The following ZFAT variants were observed in gnomAD, a reference collection of about 807,000 sequenced individuals.
ZFAT encodes the protein zinc finger protein ZFAT.
A neutral mutation model predicts 117.7 loss-of-function variants in ZFAT; 64 were observed. The observed-to-expected ratio is 0.54, with a 90% confidence interval of 0.44 to 0.67. The LOEUF is 0.67. Among genes scored for constraint, ZFAT ranks in the 30% least tolerant of loss-of-function variants. The pLI, the probability that ZFAT is intolerant of heterozygous loss-of-function variation, is 0.00. For missense variants in ZFAT, 1,433 were observed against 1,584.5 expected (o/e 0.90, Z 1.62); for synonymous variants, 679 against 615.0 (o/e 1.10, Z -1.54).
the ZFAT span, among the ~76,000 whole-genome samples, chr8:134,771,299 G>T: frequency 1.3e-5 from 2 of 152,098 alleles, no homozygotes; most frequent in Non-Finnish European, 2.9e-5. Context: ...AAACAGAAAA[G>T]AACCTATGTG....
intron 3 of ZFAT, among the ~76,000 whole-genome samples, chr8:134,625,700 T>C (rs1183785864): frequency 6.6e-6 from 1 of 152,256 alleles, no homozygotes; most frequent in African/African-American, 2.4e-5. Flanking sequence ...TTCTGCCTGC[T>C]GCAGGAGTCT....
the ZFAT span, among the ~76,000 whole-genome samples, chr8:134,758,892 C>A: frequency 6.6e-6 from 1 of 152,094 alleles, no homozygotes; most frequent in African/African-American, 2.4e-5. Context: ...GGGTGCTCCA[C>A]CTCAGGGAAC....
At position 134,530,338 on chromosome 8, in the gene ZFAT, C is replaced by A. The variant is rs184658799; in HGVS notation, c.3115+2496G>T. Among the ~76,000 whole-genome samples, 407 of 152,182 alleles carry A rather than the reference C, an allele frequency of 2.7e-3. 1 individual carries two copies. The highest frequency in any genetic ancestry group is 4.1e-3 in the Non-Finnish European group (277 of 67,988). ...ATGGAGAGAGTTACTTGAAATTAATCAAAAGAAAATGAAAAATTCCAGTGG... is the reference window on the plus strand; with the variant it reads ...ATGGAGAGAGTTACTTGAAATTAATAAAAAGAAAATGAAAAATTCCAGTGG... On this transcript the variant is annotated intron_variant, in intron 12 of 15. Transcript: ENST00000377838.
intron 11 of ZFAT, among the ~76,000 whole-genome samples, chr8:134,549,683 G>A (rs1488205646): frequency 6.6e-6 from 1 of 152,172 alleles, no homozygotes; most frequent in Non-Finnish European, 1.5e-5. Flanking sequence ...GATACATGGT[G>A]GTTCTCGTAA....
At chr8:134,732,985 C>T in the ZFAT span, among the ~76,000 whole-genome samples, 1 of 152,098 alleles carries the variant, frequency 6.6e-6, no homozygotes, top group Non-Finnish European at 1.5e-5. Context: ...AGTAATGTAT[C>T]AATATTGGTT....
At chr8:134,786,807 G>A in the ZFAT span, among the ~76,000 whole-genome samples, 12 of 143,620 alleles carry the variant, frequency 8.4e-5, no homozygotes, top group East Asian at 2.1e-4. Flanking sequence ...AATTTTATCC[G>A]TTTTCATGCC....
At chr8:134,746,548 C>T in the ZFAT span, among the ~76,000 whole-genome samples, 1 of 152,188 alleles carries the variant, frequency 6.6e-6, no homozygotes, top group African/African-American at 2.4e-5. Context: ...TAATGTCAAG[C>T]CACAGCCTCT....
chr8:134,677,287 AAACTAC>A (rs2131285887), intron 1 of ZFAT, among the ~76,000 whole-genome samples: 1 of 152,330 alleles, frequency 6.6e-6, no homozygotes, highest in Non-Finnish European at 1.5e-5. Flanking sequence ...ACAGAAATAC[AAACTAC>A]CATCAGAGAA....
intron 3 of ZFAT, 39 bp from the exon 4 acceptor site, chr8:134,610,694 A>C (rs1191265631): frequency 1.2e-6 from 2 of 1,604,882 alleles, no homozygotes; most frequent in Non-Finnish European, 8.5e-7. Context: ...GTATCCTTTT[A>C]TATCAGTGGC....
intron 1 of ZFAT, among the ~76,000 whole-genome samples, chr8:134,706,441 C>T (rs544668360): frequency 5.3e-5 from 8 of 152,294 alleles, no homozygotes; most frequent in Middle Eastern, 3.4e-3. Flanking sequence ...CTGTAACCCC[C>T]AGCCCTTTGG....
At chr8:134,777,807 G>C in the ZFAT span, among the ~76,000 whole-genome samples, 1 of 152,092 alleles carries the variant, frequency 6.6e-6, no homozygotes, top group South Asian at 2.1e-4. Flanking sequence ...TGACAATTAG[G>C]CTATAAGGAA....
At chr8:134,808,635 T>C in the ZFAT span, among the ~76,000 whole-genome samples, 1 of 152,058 alleles carries the variant, frequency 6.6e-6, no homozygotes, top group Non-Finnish European at 1.5e-5. Context: ...AACAACCAAA[T>C]GGAACATGAA....
chr8:134,783,212 T>G, the ZFAT span, among the ~76,000 whole-genome samples: 4 of 152,210 alleles, frequency 2.6e-5, no homozygotes, highest in Admixed American at 6.5e-5. Flanking sequence ...ATATTTCTGC[T>G]GGGGTTGGCA....
At chr8:134,650,131 T>A (rs1414637321) in intron 2 of ZFAT, among the ~76,000 whole-genome samples, 1 of 151,362 alleles carries the variant, frequency 6.6e-6, no homozygotes, top group Non-Finnish European at 1.5e-5. Context: ...TTTTTTCTTT[T>A]TTTTTTTTTG....
chr8:134,763,948 C>T, the ZFAT span, among the ~76,000 whole-genome samples: 10 of 152,318 alleles, frequency 6.6e-5, no homozygotes, highest in South Asian at 1.4e-3. Flanking sequence ...AGAAAATTTT[C>T]CGTGTAACCT....
chr8:134,695,576 C>T (rs1833790446), intron 1 of ZFAT, among the ~76,000 whole-genome samples: 1 of 151,408 alleles, frequency 6.6e-6, no homozygotes, highest in South Asian at 2.1e-4. Context: ...CAGGCCCAGG[C>T]GGCATCTCTA....
chr8:134,831,779 C>T, the ZFAT span, among the ~76,000 whole-genome samples: 1 of 152,074 alleles, frequency 6.6e-6, no homozygotes, highest in Admixed American at 6.5e-5. Flanking sequence ...CACTTCCCGG[C>T]CCCGAGCCCC....
the ZFAT span, among the ~76,000 whole-genome samples, chr8:134,756,981 C>T: frequency 6.7e-6 from 1 of 149,626 alleles, no homozygotes; most frequent in Non-Finnish European, 1.5e-5. Context: ...AAGTCAGCTT[C>T]TCCCTCTGCC....
chr8:134,745,820 C>T, the ZFAT span, among the ~76,000 whole-genome samples: 1 of 152,002 alleles, frequency 6.6e-6, no homozygotes, highest in African/African-American at 2.4e-5. Context: ...ATTATTATTC[C>T]CATTTTATAA....
Sources: gnomAD v4.1 joint callset for allele counts (sites outside exome capture counted in the v4.1 genomes callset) on GRCh38, gnomAD v4.1.1 for gene constraint, MANE v1.5 for transcripts, NCBI Gene and HGNC (gene_info 2026-07-23, HGNC 2026-07-21) for gene names.